Variants in PIK3CA observed in about 807,000 individuals in gnomAD.
PIK3CA encodes phosphatidylinositol-4,5-bisphosphate 3-kinase catalytic subunit alpha, also known as phosphatidylinositol 4,5-bisphosphate 3-kinase catalytic subunit alpha isoform.
PIK3CA carries 27 observed loss-of-function variants against 138.2 expected under a neutral mutation model. That is an observed-to-expected ratio of 0.20 (90% CI 0.14 to 0.27). The LOEUF is 0.27. PIK3CA is among the 10% of genes least tolerant of loss of function. PIK3CA has a pLI of 1.00. For missense variants in PIK3CA, 544 were observed against 1,277.4 expected (o/e 0.43, Z 8.75); for synonymous variants, 358 against 413.2 (o/e 0.87, Z 1.62).
chr3:179,213,650 TTC>T (rs1426569300), intron 9 of PIK3CA, among the ~76,000 whole-genome samples: 1 of 151,672 alleles, frequency 6.6e-6, no homozygotes, highest in East Asian at 1.9e-4. Context: ...ACAATAGAAC[TTC>T]TTTCAGATTT....
At chr3:179,162,516 G>A (rs1264729784) in intron 1 of PIK3CA, among the ~76,000 whole-genome samples, 2 of 151,890 alleles carry the variant, frequency 1.3e-5, no homozygotes, top group East Asian at 1.9e-4. Context: ...TATCATACCC[G>A]GCCTGGTATG....
chr3:179,204,475 T>G (rs747105903), intron 5 of PIK3CA, 28 bp from the exon 6 acceptor site: 8 of 1,047,510 alleles, frequency 7.6e-6, no homozygotes, highest in Non-Finnish European at 1.5e-6. Flanking sequence ...AGTGTATACA[T>G]TAGTATATAC....
rs2108417937 is a variant in PIK3CA at position 179,224,745 on chromosome 3, G to A, written c.2340G>A (p.Trp780Ter). The A allele has an allele frequency of 6.2e-7, 1 of 1,608,548 alleles. No individual in the cohort carries two copies. The highest frequency in any genetic ancestry group is 8.5e-7 in the Non-Finnish European group (1 of 1,175,396). ...TGTCCTCTGCAAAAAGGCCACTGTG[G>A]TTGAATTGGGAGAACCCAGACATCA... ...RIMSSAKRPL[W>*]LNWENPDIMS... The change falls in exon 16 of 21, where the codon TGG (tryptophan) becomes TGA (stop). Residue 780 changes from tryptophan (W) to a stop codon, truncating the protein, a stop_gained. Transcript: ENST00000263967. LOFTEE classifies it high-confidence loss of function.
chr3:179,211,485 C>T (rs916965344), intron 9 of PIK3CA, among the ~76,000 whole-genome samples: 1 of 152,040 alleles, frequency 6.6e-6, no homozygotes, highest in African/African-American at 2.4e-5. Flanking sequence ...GCCTGGCAAA[C>T]ATGGTGAAAT....
chr3:179,172,647 T>C (rs1337659567), intron 1 of PIK3CA, among the ~76,000 whole-genome samples: 5 of 152,152 alleles, frequency 3.3e-5, no homozygotes, highest in African/African-American at 1.2e-4. Context: ...AGCTAAATAC[T>C]TAGTAATAAG....
In PIK3CA at chr3:179,234,053, C is replaced by A. The variant is rs2108428813; in HGVS notation, c.2937-41C>A. ...AGCAAAGACCTGAAGGTATTAACAT[C>A]ATTTGCTCCAAACTGACCAAACTGT... On this transcript the variant is annotated intron_variant, in intron 20 of 20. Coordinates refer to ENST00000263967, the MANE Select transcript of PIK3CA (RefSeq NM_006218.4). This position sits in a 1 kb window ranked among gnomAD's most constrained non-coding sequence, Gnocchi z 5.1. 6.7e-7 allele frequency: 1 copy of A among 1,491,604 alleles called. No individual in the cohort carries two copies. Among genetic ancestry groups the A allele is most frequent in the South Asian group, 1.3e-5 (1 of 78,082 alleles). 92.4% of individuals were successfully genotyped at this position (1,491,604 alleles called of 1,614,324 possible). A position where few individuals can be genotyped will look rare whatever the true frequency, so the allele number is the denominator to read the frequency against.
At chr3:179,206,863 G>A (rs1173749452) in intron 6 of PIK3CA, among the ~76,000 whole-genome samples, 5 of 150,338 alleles carry the variant, frequency 3.3e-5, no homozygotes, top group Admixed American at 1.3e-4. Flanking sequence ...AGACTGCAGT[G>A]AGCCATGATC....
In PIK3CA at chr3:179,238,321, T is replaced by C. The variant is rs1576951529; in HGVS notation, c.*3957T>C. The C allele has an allele frequency of 1.4e-5, 3 of 214,516 alleles. No homozygotes were observed. In the East Asian group the frequency reaches 2.1e-4, roughly 15 times the overall value. 13.3% of individuals were successfully genotyped at this position (214,516 alleles called of 1,614,324 possible). A position where few individuals can be genotyped will look rare whatever the true frequency, so the allele number is the denominator to read the frequency against. On this transcript the variant is annotated 3_prime_UTR_variant, in exon 21 of 21. Coordinates refer to ENST00000263967, the MANE Select transcript of PIK3CA (RefSeq NM_006218.4). ...GTTTTTTAAAATATAAACAATACCA[T>C]TTTTAATTATTACATTAAAAATTGT...
At chr3:179,176,518 C>A (rs1270833753) in intron 1 of PIK3CA, among the ~76,000 whole-genome samples, 1 of 152,120 alleles carries the variant, frequency 6.6e-6, no homozygotes, top group East Asian at 1.9e-4. Context: ...ATTGGTGACA[C>A]AAAGGTCTGT....
chr3:179,172,402 G>T (rs1723580633), intron 1 of PIK3CA, among the ~76,000 whole-genome samples: 2 of 148,810 alleles, frequency 1.3e-5, no homozygotes, highest in South Asian at 4.2e-4. Context: ...GCAAGAAAAA[G>T]AAATTTAAAG....
chr3:179,169,861 A>G (rs1723507099), intron 1 of PIK3CA, among the ~76,000 whole-genome samples: 1 of 152,254 alleles, frequency 6.6e-6, no homozygotes, highest in Non-Finnish European at 1.5e-5. Flanking sequence ...TTAAAGTATT[A>G]GTTATCTTAA....
chr3:179,158,654 A>G (rs1385569151), intron 1 of PIK3CA, among the ~76,000 whole-genome samples: 1 of 151,554 alleles, frequency 6.6e-6, no homozygotes, highest in Non-Finnish European at 1.5e-5. Context: ...ATAATATTAA[A>G]CTCTTTTGCA....
At chr3:179,229,194 C>T (rs1460018191) in intron 17 of PIK3CA, 78 bp from the exon 18 acceptor site, 3 of 1,110,168 alleles carry the variant, frequency 2.7e-6, no homozygotes, top group Non-Finnish European at 3.9e-6. Context: ...TAATAAAATA[C>T]TCATGTTTTA....
chr3:179,210,629 C>G, intron 9 of PIK3CA, 64 bp downstream of exon 9: 1 of 1,489,206 alleles, frequency 6.7e-7, no homozygotes, highest in South Asian at 1.2e-5. Context: ...TAGATACTTT[C>G]TCTATGGAAA....
chr3:179,228,371 A>C (rs1725131960), intron 17 of PIK3CA, among the ~76,000 whole-genome samples: 1 of 152,096 alleles, frequency 6.6e-6, no homozygotes, highest in Non-Finnish European at 1.5e-5. Context: ...GATCCATTAA[A>C]AGGCAAGAAA....
intron 6 of PIK3CA, among the ~76,000 whole-genome samples, chr3:179,207,010 A>G (rs1576936670): frequency 6.6e-6 from 1 of 152,106 alleles, no homozygotes. Context: ...AGAAAGGACT[A>G]TATTTGTCTT....
intron 6 of PIK3CA, among the ~76,000 whole-genome samples, chr3:179,208,570 C>T (rs958871518): frequency 2.6e-5 from 4 of 152,074 alleles, no homozygotes; most frequent in Non-Finnish European, 5.9e-5. Context: ...TTTCTGAGCC[C>T]ATACTCTTTA....
chr3:179,217,273 A>G (rs1046861858), intron 9 of PIK3CA, among the ~76,000 whole-genome samples: 24 of 152,308 alleles, frequency 1.6e-4, no homozygotes, highest in African/African-American at 5.8e-4. Flanking sequence ...CATCCAGAGT[A>G]CATTATATCA....
At chr3:179,189,935 G>C (rs1245140178) in intron 1 of PIK3CA, among the ~76,000 whole-genome samples, 1 of 152,178 alleles carries the variant, frequency 6.6e-6, no homozygotes, top group African/African-American at 2.4e-5. Flanking sequence ...TCCTTCCAGA[G>C]CTAGTATATA....
Sources: gnomAD v4.1 joint callset for allele counts (sites outside exome capture counted in the v4.1 genomes callset) on GRCh38, gnomAD v4.1.1 for gene constraint, Gnocchi (gnomAD v3.1) non-coding constraint, MANE v1.5 for transcripts, NCBI Gene and HGNC (gene_info 2026-07-23, HGNC 2026-07-21) for gene names.